The following AKT1 variants were observed in gnomAD, a reference collection of about 807,000 sequenced individuals.
AKT1 encodes AKT serine/threonine kinase 1.
A neutral mutation model predicts 63.1 loss-of-function variants in AKT1; 21 were observed. The ratio of observed to expected loss-of-function variants is 0.33; its 90% CI spans 0.24 to 0.48. AKT1 has a LOEUF of 0.48. AKT1 is among the 20% of genes least tolerant of loss of function. AKT1 has a pLI of 0.99. For missense variants in AKT1, 382 were observed against 666.0 expected (o/e 0.57, Z 4.69); for synonymous variants, 257 against 253.1 (o/e 1.02, Z -0.15).
intron 4 of AKT1, among the ~76,000 whole-genome samples, chr14:104,779,752 C>T (rs1892930103): frequency 6.6e-6 from 1 of 151,676 alleles, no homozygotes; most frequent in Non-Finnish European, 1.5e-5. Context: ...ACCAGAGACC[C>T]CCGCCCAGCC....
At chr14:104,772,493 C>G in intron 12 of AKT1, 41 bp from the exon 13 acceptor site, 1 of 1,591,086 alleles carries the variant, frequency 6.3e-7, no homozygotes, top group Non-Finnish European at 8.6e-7. Context: ...GTACCGCCAC[C>G]TGCCCAGGCC....
chr14:104,770,522 C>A, intron 14 of AKT1, 102 bp from the exon 15 acceptor site: 1 of 1,200,026 alleles, frequency 8.3e-7, no homozygotes, highest in Non-Finnish European at 1.2e-6. Context: ...ACGGCCAGCA[C>A]GCTGCCATAC....
intron 14 of AKT1, 133 bp downstream of exon 14, chr14:104,770,612 T>C (rs1485669208): frequency 4.0e-5 from 39 of 976,142 alleles, no homozygotes; most frequent in Non-Finnish European, 5.6e-5. Context: ...CCCTGATCAT[T>C]GGCACTCTCC....
chr14:104,793,332 A>T, intron 1 of AKT1, 28 bp from the exon 2 acceptor site: 1 of 197,084 alleles, frequency 5.1e-6, no homozygotes, highest in Non-Finnish European at 1.1e-5. Context: ...TTCAAACATG[A>T]GGAAGACAGG....
intron 3 of AKT1, among the ~76,000 whole-genome samples, chr14:104,783,240 G>A (rs1893158595): frequency 6.6e-6 from 1 of 152,132 alleles, no homozygotes; most frequent in African/African-American, 2.4e-5. Flanking sequence ...GGTCCCCAGG[G>A]GAACTGGAAC....
chr14:104,771,503 C>T, intron 13 of AKT1: 1 of 232,558 alleles, frequency 4.3e-6, no homozygotes, highest in Non-Finnish European at 8.5e-6. Flanking sequence ...CAAGGCTGGG[C>T]AGAGGTTGAG....
intron 3 of AKT1, among the ~76,000 whole-genome samples, chr14:104,783,431 A>AC (rs1395220979): frequency 6.6e-6 from 1 of 151,814 alleles, no homozygotes; most frequent in African/African-American, 2.4e-5. Flanking sequence ...CTCCACACCG[A>AC]CCATGGGAAG....
chr14:104,775,943 C>T lies in AKT1; in HGVS notation c.288-144G>A, dbSNP rs1435806174. ...AGCCCTGAGGAGGCCACCACTTGAC[C>T]TGGTCTGGCCACATACACTCAGGGT... On this transcript the variant is annotated intron_variant, in intron 5 of 14. Coordinates refer to ENST00000649815, the MANE Select transcript of AKT1 (RefSeq NM_001382430.1). The T allele has an allele frequency of 5.2e-6, 5 of 958,168 alleles. No individual in the cohort carries two copies. The Admixed American group carries it at 1.0e-4, about 20-fold the overall frequency. The allele number at this position is 958,168 out of a possible 1,614,324, so 59.4% of individuals were successfully genotyped here. A position where few individuals can be genotyped will look rare whatever the true frequency, so the allele number is the denominator to read the frequency against.
intron 3 of AKT1, among the ~76,000 whole-genome samples, chr14:104,788,940 G>T (rs1055861297): frequency 6.6e-6 from 1 of 152,192 alleles, no homozygotes; most frequent in African/African-American, 2.4e-5. Flanking sequence ...ACACGGTCCC[G>T]TGTCACCCGG....
chr14:104,784,235 C>G (rs1363862132), intron 3 of AKT1, among the ~76,000 whole-genome samples: 1 of 152,198 alleles, frequency 6.6e-6, no homozygotes, highest in Non-Finnish European at 1.5e-5. Flanking sequence ...TGACACTGCA[C>G]CTATCCAAGA....
chr14:104,771,202 G>A (rs748412919), intron 13 of AKT1: 45 of 306,290 alleles, frequency 1.5e-4, no homozygotes, highest in Middle Eastern at 9.2e-4. Context: ...TTTTCTTATT[G>A]GTCTTCTTGT....
intron 11 of AKT1, 60 bp downstream of exon 11, chr14:104,773,191 T>C: frequency 1.2e-6 from 2 of 1,612,200 alleles, no homozygotes; most frequent in South Asian, 1.1e-5. Context: ...GGACACAGCA[T>C]TGCGTGTGCT....
In AKT1 at chr14:104,770,522, C is replaced by T. The variant is rs548338247; in HGVS notation, c.1364-102G>A. ...CCAACCTCTTAAAGCACGGCCAGCACGCTGCCATACTGCCAGGAAACTGAG... is the reference window on the plus strand; with the variant it reads ...CCAACCTCTTAAAGCACGGCCAGCATGCTGCCATACTGCCAGGAAACTGAG... On this transcript the variant is annotated intron_variant, in intron 14 of 14. Coordinates refer to ENST00000649815, the MANE Select transcript of AKT1 (RefSeq NM_001382430.1). 220 of 1,200,024 alleles carry T rather than the reference C, an allele frequency of 1.8e-4. No homozygotes were observed. In the East Asian group the frequency reaches 3.8e-3, roughly 21 times the overall value. 74.3% of individuals were successfully genotyped at this position (1,200,024 alleles called of 1,614,324 possible).
At chr14:104,777,276 TG>T (rs1892775553) in intron 4 of AKT1, 1 of 200,372 alleles carries the variant, frequency 5.0e-6, no homozygotes. Context: ...CAGGCACACC[TG>T]GGGCACAGCC....
chr14:104,769,501 G>GC lies in AKT1; in HGVS notation c.*839dup. On this transcript the variant is annotated 3_prime_UTR_variant, in exon 15 of 15. Coordinates refer to ENST00000649815, the MANE Select transcript of AKT1 (RefSeq NM_001382430.1). ...GGAGGCGTGGAGGGGCCCAGGGATG[G>GC]CCACCCCCACAGGGAGTCAGGGAGG... 1.9e-6 allele frequency: 1 copy of GC among 528,324 alleles called. No individual in the cohort carries two copies. Among genetic ancestry groups the GC allele is most frequent in the East Asian group, 4.0e-5 (1 of 24,888 alleles). The allele number at this position is 528,324 out of a possible 1,614,324, so 32.7% of individuals were successfully genotyped here.
chr14:104,780,717 C>CA (rs922078987), intron 3 of AKT1, among the ~76,000 whole-genome samples: 4 of 150,142 alleles, frequency 2.7e-5, no homozygotes, highest in African/African-American at 1.0e-4. Flanking sequence ...ATGGCCGCCC[C>CA]CCCCGCCCCG....
rs1892944003 is a variant in AKT1 at position 104,780,002 on chromosome 14, G to A, written c.175+86C>T. 1.9e-6 allele frequency: 3 copies of A among 1,547,888 alleles called. No homozygotes were observed. The East Asian group carries it at 6.8e-5, about 35-fold the overall frequency. ...CAGCCCAGGACTTGGAGGCTCCAGG[G>A]GACCCCCATCGTGGGGCCTGGTGGG... On this transcript the variant is annotated intron_variant, in intron 4 of 14. Coordinates refer to ENST00000649815, the MANE Select transcript of AKT1 (RefSeq NM_001382430.1).
At chr14:104,783,033 G>A (rs536400377) in intron 3 of AKT1, among the ~76,000 whole-genome samples, 5 of 152,274 alleles carry the variant, frequency 3.3e-5, no homozygotes, top group East Asian at 1.9e-4. Context: ...GACACAGGAC[G>A]GGGCAGGTGG....
chr14:104,791,528 CCT>C (rs750022693), intron 3 of AKT1, among the ~76,000 whole-genome samples: 30 of 152,324 alleles, frequency 2.0e-4, no homozygotes, highest in African/African-American at 5.3e-4. Flanking sequence ...CAGCCACACC[CCT>C]GATTCCCCCA....
Sources: allele counts gnomAD v4.1 joint callset (sites outside exome capture counted in the v4.1 genomes callset), GRCh38; gene constraint gnomAD v4.1.1; transcripts MANE v1.5; gene names NCBI Gene and HGNC (gene_info 2026-07-23, HGNC 2026-07-21).